The following ARHGEF4 variants were observed in gnomAD, a reference collection of about 807,000 sequenced individuals.
The protein encoded by ARHGEF4 is Rho guanine nucleotide exchange factor 4.
ARHGEF4 carries 119 observed loss-of-function variants against 162.0 expected under a neutral mutation model. The ratio of observed to expected loss-of-function variants is 0.73; its 90% CI spans 0.63 to 0.86. The LOEUF (loss-of-function observed/expected upper bound fraction) is 0.86, where lower values mean the gene tolerates loss of function less well. ARHGEF4 is among the 40% of genes least tolerant of loss of function. ARHGEF4 has a pLI of 0.00. For missense variants in ARHGEF4, 2,488 were observed against 2,456.0 expected (o/e 1.01, Z -0.28); for synonymous variants, 1,014 against 979.9 (o/e 1.03, Z -0.65).
At chr2:131,033,983 G>A (rs886350040) in intron 5 of ARHGEF4, among the ~76,000 whole-genome samples, 4 of 152,204 alleles carry the variant, frequency 2.6e-5, no homozygotes, top group Non-Finnish European at 5.9e-5. Context: ...GGTACCCCTT[G>A]TGTACACACA....
At chr2:130,937,910 G>T (rs1211221634) in intron 3 of ARHGEF4, among the ~76,000 whole-genome samples, 1 of 151,950 alleles carries the variant, frequency 6.6e-6, no homozygotes, top group African/African-American at 2.4e-5. Flanking sequence ...CTCGTGATCT[G>T]GCCGCCTCGG....
In ARHGEF4 at chr2:130,915,302, G is replaced by A; in HGVS notation, c.1356G>A (p.Glu452=). 6.4e-7 allele frequency: 1 copy of A among 1,550,674 alleles called. No homozygotes were observed. The highest frequency in any genetic ancestry group is 8.7e-7 in the Non-Finnish European group (1 of 1,147,032). The part of the protein sequence containing the change: ...LTSELVKLSA[E]EVPEPAECKS... ...CAGAGTTAGTGAAGCTCAGTGCAGA[G>A]GAAGTGCCTGAGCCCGCTGAGTGCA... Residue 452 remains glutamate, a synonymous_variant, in exon 2 of 14, where the codon GAG becomes GAA. Coordinates refer to ENST00000409359, the MANE Select transcript of ARHGEF4 (RefSeq NM_001367493.1).
chr2:130,965,703 A>G (rs1163870831), intron 4 of ARHGEF4, among the ~76,000 whole-genome samples: 1 of 152,134 alleles, frequency 6.6e-6, no homozygotes, highest in Non-Finnish European at 1.5e-5. Context: ...CTTCTGTCCC[A>G]GGGTAAGTGC....
At chr2:130,986,880 G>A (rs573306949) in intron 4 of ARHGEF4, among the ~76,000 whole-genome samples, 6 of 152,222 alleles carry the variant, frequency 3.9e-5, no homozygotes, top group African/African-American at 1.2e-4. Flanking sequence ...GCCTAGGCCC[G>A]CAGGAGAGCC....
intron 3 of ARHGEF4, among the ~76,000 whole-genome samples, chr2:130,937,669 A>T (rs1463737769): frequency 7.8e-5 from 11 of 140,902 alleles, no homozygotes; most frequent in African/African-American, 2.1e-4. Context: ...TTGTATCATA[A>T]TTTTTTTTTT....
intron 4 of ARHGEF4, among the ~76,000 whole-genome samples, chr2:130,985,041 C>T (rs1573525897): frequency 6.6e-6 from 1 of 152,106 alleles, no homozygotes; most frequent in Non-Finnish European, 1.5e-5. Context: ...AGGGCTTGTT[C>T]AACCTGCAAA....
At chr2:131,001,536 GA>G (rs1284566348) in intron 4 of ARHGEF4, among the ~76,000 whole-genome samples, 3 of 152,130 alleles carry the variant, frequency 2.0e-5, no homozygotes, top group African/African-American at 7.2e-5. Context: ...AAGTATTGGT[GA>G]GGATGTACAG....
chr2:130,921,052 C>T (rs1006336088), intron 2 of ARHGEF4, among the ~76,000 whole-genome samples: 2 of 152,164 alleles, frequency 1.3e-5, no homozygotes, highest in African/African-American at 4.8e-5. Flanking sequence ...TATGCCCCAT[C>T]TCATGGTGTT....
Position 130,917,639 on chromosome 2 carries a change from C to A in ARHGEF4, c.3552+141C>A, listed in dbSNP as rs58000809. ...CCCCCGTTACACTCCCAGCCGCCCC[C>A]CCTCCCCCAGTGAACACAGCGGGTG... On this transcript the variant is annotated intron_variant, in intron 2 of 13. Coordinates refer to ENST00000409359, the MANE Select transcript of ARHGEF4 (RefSeq NM_001367493.1). 6.6e-3 allele frequency: 7,445 copies of A among 1,125,416 alleles called. 339 individuals carry two copies. In the African/African-American group the frequency reaches 0.1, roughly 15 times the overall value. 69.7% of individuals were successfully genotyped at this position (1,125,416 alleles called of 1,614,324 possible).
At chr2:130,995,842 G>T (rs1317959581) in intron 4 of ARHGEF4, among the ~76,000 whole-genome samples, 1 of 151,046 alleles carries the variant, frequency 6.6e-6, no homozygotes, top group Admixed American at 6.6e-5. Context: ...CTTGCATCCA[G>T]TTGCTCTCAC....
intron 4 of ARHGEF4, among the ~76,000 whole-genome samples, chr2:130,972,199 A>G (rs1292727099): frequency 6.6e-6 from 1 of 152,218 alleles, no homozygotes; most frequent in Non-Finnish European, 1.5e-5. Context: ...ATTGCCGCGA[A>G]AATAAGAATA....
chr2:130,991,101 TGAA>T (rs1484954331), intron 4 of ARHGEF4, among the ~76,000 whole-genome samples: 2 of 152,206 alleles, frequency 1.3e-5, no homozygotes, highest in Non-Finnish European at 2.9e-5. Context: ...TTTTCCAAAA[TGAA>T]GGAGAGATGT....
chr2:130,908,136 A>T lies in ARHGEF4; in HGVS notation c.40-5850A>T, dbSNP rs193243919. On this transcript the variant is annotated intron_variant, in intron 1 of 13. Coordinates refer to ENST00000409359, the MANE Select transcript of ARHGEF4 (RefSeq NM_001367493.1). The stretch of plus-strand genomic sequence containing the variant: ...GTCATCTCTGATTTTTTTCAGCAGT[A>T]TTTTGTAATTCTCACTGTAGAGATC... 1.1e-3 allele frequency among the ~76,000 whole-genome samples: 161 copies of T among 152,144 alleles called. 1 individual carries two copies. The highest frequency in any genetic ancestry group is 3.6e-3 in the African/African-American group (149 of 41,520).
intron 1 of ARHGEF4, among the ~76,000 whole-genome samples, chr2:130,907,198 T>C (rs1437593240): frequency 6.7e-6 from 1 of 149,284 alleles, no homozygotes; most frequent in African/African-American, 2.4e-5. Flanking sequence ...GTGTAATTGA[T>C]AGTTTGTCCC....
chr2:130,974,730 G>A (rs1317700005), intron 4 of ARHGEF4, among the ~76,000 whole-genome samples: 1 of 151,866 alleles, frequency 6.6e-6, no homozygotes, highest in Non-Finnish European at 1.5e-5. Context: ...CCAAAATGCT[G>A]GGATTACAAG....
chr2:130,909,832 G>A (rs1559032888), intron 1 of ARHGEF4, among the ~76,000 whole-genome samples: 2 of 152,188 alleles, frequency 1.3e-5, no homozygotes, highest in South Asian at 2.1e-4. Flanking sequence ...CACATTTCCC[G>A]AAAAGCTCCT....
chr2:130,959,415 G>C (rs905422676), intron 4 of ARHGEF4, among the ~76,000 whole-genome samples: 7 of 152,214 alleles, frequency 4.6e-5, no homozygotes, highest in African/African-American at 1.7e-4. Context: ...GTGGTTCAAA[G>C]CATGAGTGGC....
intron 1 of ARHGEF4, among the ~76,000 whole-genome samples, chr2:130,874,109 C>G (rs1481088447): frequency 6.6e-6 from 1 of 152,096 alleles, no homozygotes; most frequent in Non-Finnish European, 1.5e-5. Context: ...TTTTTACGAG[C>G]AGCTTACCAA....
chr2:130,995,108 T>C lies in ARHGEF4; in HGVS notation c.3986-32837T>C, dbSNP rs1012909320. On this transcript the variant is annotated intron_variant, in intron 4 of 13. Coordinates refer to ENST00000409359, the MANE Select transcript of ARHGEF4 (RefSeq NM_001367493.1). ...TTTGGAAAATTCTCAGCCATTCTTT[T>C]CAAACATTGCTTCCAGCATTCCCTC... 4.3e-4 allele frequency among the ~76,000 whole-genome samples: 65 copies of C among 152,250 alleles called. 1 individual carries two copies. The highest frequency in any genetic ancestry group is 2.2e-3 in the Admixed American group (33 of 15,286).
Sources: allele counts gnomAD v4.1 joint callset (sites outside exome capture counted in the v4.1 genomes callset), GRCh38; gene constraint gnomAD v4.1.1; transcripts MANE v1.5; gene names NCBI Gene and HGNC (gene_info 2026-07-23, HGNC 2026-07-21).